Variants in CEP128 observed in about 807,000 individuals in gnomAD.
CEP128 encodes the protein centrosomal protein 128kDa.
A neutral mutation model predicts 156.7 loss-of-function variants in CEP128; 132 were observed. The observed-to-expected ratio is 0.84, with a 90% CI of 0.73 to 0.97. The LOEUF (loss-of-function observed/expected upper bound fraction) is 0.97. CEP128 is among the 50% of genes least tolerant of loss of function. CEP128 has a pLI of 0.00. For missense variants in CEP128, 1,252 were observed against 1,281.9 expected, an observed-to-expected ratio of 0.98 and a Z score of 0.36; for synonymous variants, 469 against 448.9, an observed-to-expected ratio of 1.04 and a Z score of -0.57.
At chr14:80,662,538 A>G (rs1000037302) in intron 19 of CEP128, among the ~76,000 whole-genome samples, 2 of 152,206 alleles carry the variant, frequency 1.3e-5, no homozygotes, top group African/African-American at 2.4e-5. Context: ...CCATGTATCC[A>G]GCCTTTAATT....
intron 20 of CEP128, among the ~76,000 whole-genome samples, chr14:80,562,655 C>CT (rs1170778718): frequency 0.11 from 13,183 of 114,896 alleles, 878 homozygotes; most frequent in Non-Finnish European, 0.16. Context: ...CTTTTCTTTT[C>CT]TTTTTTTTTT....
At chr14:80,894,466 A>T in intron 8 of CEP128, 6 of 367,356 alleles carry the variant, frequency 1.6e-5, no homozygotes, top group Admixed American at 8.2e-5. Flanking sequence ...TTTTTGAAGT[A>T]TGTGATGTTT....
chr14:80,526,895 T>C lies in CEP128; in HGVS notation c.3046A>G (p.Thr1016Ala), dbSNP rs773418804. ...TTGAAACTTTTGGTTCTGTACTTGG[T>C]GTCATCTTGGTGATGCTGAAGAGAA... Reference protein sequence around the residue: ...RNSLQHHQDDTKYRTKSFKGD... With the variant: ...RNSLQHHQDDAKYRTKSFKGD... The change falls in exon 23 of 25, where the codon ACC becomes GCC. Residue 1016 changes from threonine (T) to alanine (A), a missense_variant. By Grantham distance (58) the Thr-to-Ala change is moderately conservative. Coordinates refer to ENST00000555265, the MANE Select transcript of CEP128 (RefSeq NM_152446.5). The C allele has an allele frequency of 8.1e-5, 130 of 1,607,408 alleles. No homozygotes were observed. The highest frequency in any genetic ancestry group is 1.0e-4 in the Non-Finnish European group (123 of 1,174,902).
chr14:80,682,268 C>T (rs913994712), intron 19 of CEP128, among the ~76,000 whole-genome samples: 10 of 152,116 alleles, frequency 6.6e-5, no homozygotes, highest in Non-Finnish European at 1.0e-4. Context: ...ACAATCAGAA[C>T]TTCTGGAATT....
chr14:80,673,448 C>A (rs899339041), intron 19 of CEP128, among the ~76,000 whole-genome samples: 2 of 147,444 alleles, frequency 1.4e-5, no homozygotes, highest in African/African-American at 5.0e-5. Context: ...TCGAGACCAT[C>A]CCGGCTAAAA....
chr14:80,828,548 A>G (rs1885612539), intron 13 of CEP128, among the ~76,000 whole-genome samples: 1 of 152,238 alleles, frequency 6.6e-6, no homozygotes, highest in African/African-American at 2.4e-5. Flanking sequence ...CTTACAGCTG[A>G]TTTAATCCAA....
chr14:80,620,107 A>G (rs1893416531), intron 19 of CEP128, among the ~76,000 whole-genome samples: 1 of 152,202 alleles, frequency 6.6e-6, no homozygotes, highest in South Asian at 2.1e-4. Flanking sequence ...CCTGGATGAC[A>G]AGAGCAAAAC....
At chr14:80,807,263 C>G (rs1884234405) in intron 13 of CEP128, among the ~76,000 whole-genome samples, 1 of 152,156 alleles carries the variant, frequency 6.6e-6, no homozygotes, top group Non-Finnish European at 1.5e-5. Flanking sequence ...AACCCAATTT[C>G]ACACCATCCA....
At chr14:80,910,378 G>T (rs10130858) in intron 4 of CEP128, among the ~76,000 whole-genome samples, 2 of 152,094 alleles carry the variant, frequency 1.3e-5, no homozygotes, top group African/African-American at 4.8e-5. Context: ...CTGGATCATG[G>T]GGGCAGAGTT....
chr14:80,875,776 C>T (rs924506125), intron 8 of CEP128, among the ~76,000 whole-genome samples: 1 of 152,082 alleles, frequency 6.6e-6, no homozygotes, highest in African/African-American at 2.4e-5. Context: ...TATGCACACT[C>T]GCCCTAAAGG....
chr14:80,822,620 G>C, intron 13 of CEP128: 2 of 726,708 alleles, frequency 2.8e-6, no homozygotes, highest in Non-Finnish European at 5.1e-6. Context: ...AGCTAAACCT[G>C]CTCCTCCAAA....
chr14:80,568,212 T>C (rs1389000274), intron 20 of CEP128, among the ~76,000 whole-genome samples: 1 of 152,168 alleles, frequency 6.6e-6, no homozygotes, highest in East Asian at 1.9e-4. Context: ...GAAGGGCACA[T>C]ATCTCCTAGG....
chr14:80,739,468 C>T (rs1203180629), intron 19 of CEP128, among the ~76,000 whole-genome samples: 1 of 152,132 alleles, frequency 6.6e-6, no homozygotes. Flanking sequence ...GCTATACCAG[C>T]TAAACTTCCA....
At chr14:80,790,417 A>G (rs1901643067) in intron 14 of CEP128, among the ~76,000 whole-genome samples, 1 of 152,166 alleles carries the variant, frequency 6.6e-6, no homozygotes. Flanking sequence ...GAAAAAGAGA[A>G]GCAAAAATAC....
At chr14:80,748,125 G>A (rs999018939) in intron 18 of CEP128, among the ~76,000 whole-genome samples, 8 of 152,150 alleles carry the variant, frequency 5.3e-5, no homozygotes, top group African/African-American at 9.7e-5. Flanking sequence ...ACCTGGCTAC[G>A]CAATTTATAG....
intron 20 of CEP128, among the ~76,000 whole-genome samples, chr14:80,562,474 C>T (rs1012885024): frequency 1.2e-4 from 19 of 152,024 alleles, no homozygotes; most frequent in Non-Finnish European, 1.2e-4. Flanking sequence ...AATTACTAGT[C>T]TTCATGAACT....
At chr14:80,735,040 T>C (rs1033885508) in intron 19 of CEP128, among the ~76,000 whole-genome samples, 1 of 152,064 alleles carries the variant, frequency 6.6e-6, no homozygotes, top group African/African-American at 2.4e-5. Flanking sequence ...GTCAGAAAAC[T>C]GAGAGCTAAA....
intron 2 of CEP128, among the ~76,000 whole-genome samples, chr14:80,950,665 C>T (rs1440494236): frequency 6.6e-6 from 1 of 151,884 alleles, no homozygotes; most frequent in Non-Finnish European, 1.5e-5. Context: ...TTCAATTAGC[C>T]TAATAAGTGC....
intron 23 of CEP128, among the ~76,000 whole-genome samples, chr14:80,526,480 T>C (rs1888978157): frequency 6.6e-6 from 1 of 152,110 alleles, no homozygotes; most frequent in African/African-American, 2.4e-5. Context: ...AATTCCAAAG[T>C]ACAATATATT....
Sources: allele counts gnomAD v4.1 joint callset (sites outside exome capture counted in the v4.1 genomes callset), GRCh38; gene constraint gnomAD v4.1.1; transcripts MANE v1.5; gene names NCBI Gene and HGNC (gene_info 2026-07-23, HGNC 2026-07-21).